Variants in HGD observed in about 807,000 individuals in gnomAD.
The protein encoded by HGD is homogentisate oxidase.
HGD carries 61 observed loss-of-function variants against 60.8 expected under a neutral mutation model. The ratio of observed to expected loss-of-function variants is 1.00; its 90% confidence interval spans 0.82 to 1.24. HGD has a LOEUF of 1.24. HGD is among the 50% of genes most tolerant of loss of function. The pLI is 0.00. For missense variants in HGD, 542 were observed against 547.1 expected (o/e 0.99, Z 0.09); for synonymous variants, 212 against 187.7 (o/e 1.13, Z -1.06).
intron 12 of HGD, 56 bp from the exon 13 acceptor site, chr3:120,633,384 C>G (rs572725686): frequency 1.9e-6 from 3 of 1,613,522 alleles, no homozygotes; most frequent in East Asian, 4.5e-5. Context: ...CAGTAAAACA[C>G]AAAGCCCCTT....
chr3:120,641,900 T>C, intron 10 of HGD: 1 of 580,964 alleles, frequency 1.7e-6, no homozygotes, highest in East Asian at 3.0e-5. Context: ...CCTATTTTTC[T>C]GGTTCATAAG....
intron 4 of HGD, among the ~76,000 whole-genome samples, chr3:120,656,363 C>T (rs1332108918): frequency 1.3e-5 from 2 of 152,166 alleles, no homozygotes; most frequent in Non-Finnish European, 2.9e-5. Context: ...ATACTATATG[C>T]TATTGTTAAA....
At chr3:120,669,276 A>T (rs1366280093) in intron 4 of HGD, among the ~76,000 whole-genome samples, 1 of 152,108 alleles carries the variant, frequency 6.6e-6, no homozygotes, top group Non-Finnish European at 1.5e-5. Context: ...ACAAAAAAAA[A>T]ACCATGAGCA....
chr3:120,671,439 T>C (rs548913524), intron 3 of HGD, among the ~76,000 whole-genome samples: 1 of 152,336 alleles, frequency 6.6e-6, no homozygotes, highest in Admixed American at 6.5e-5. Flanking sequence ...TAGAAGTCCT[T>C]TATCATTTTC....
At chr3:120,655,259 T>C (rs1941459942) in intron 4 of HGD, among the ~76,000 whole-genome samples, 1 of 152,176 alleles carries the variant, frequency 6.6e-6, no homozygotes. Flanking sequence ...TGTAGCACAT[T>C]AGCCCTCAAG....
At chr3:120,653,709 A>G (rs1404658552) in intron 4 of HGD, among the ~76,000 whole-genome samples, 1 of 152,240 alleles carries the variant, frequency 6.6e-6, no homozygotes, top group Non-Finnish European at 1.5e-5. Context: ...ATCATGCTTC[A>G]GAAAGAAGGA....
At chr3:120,669,301 C>G (rs185818419) in intron 4 of HGD, among the ~76,000 whole-genome samples, 3 of 152,110 alleles carry the variant, frequency 2.0e-5, no homozygotes, top group East Asian at 3.9e-4. Context: ...GATATTTTGA[C>G]CAACCTATAA....
intron 4 of HGD, 169 bp downstream of exon 4, chr3:120,670,258 G>A (rs1428429976): frequency 4.6e-6 from 3 of 649,480 alleles, no homozygotes; most frequent in Middle Eastern, 4.1e-4. Context: ...CATGAGAATG[G>A]ACTAATACAC....
In HGD at chr3:120,650,822, T is replaced by C. The variant is rs771906714; in HGVS notation, c.386A>G (p.Asn129Ser). The stretch of plus-strand genomic sequence containing the variant: ...GAGGAAAATGTGGATAGCAAGCCCA[T>C]TGTTAGACTTTATGTCTCCAGCTCC... ...LCGAGDIKSN[N>S]GLAIHIFLCN... The change falls in exon 6 of 14, where the codon AAT becomes AGT. Residue 129 changes from asparagine (N) to serine (S), a missense_variant. By Grantham distance (46) the Asn-to-Ser change is conservative (BLOSUM62 1). This residue lies in a region of HGD where 537 missense variants were observed against 529.1 expected (regional missense o/e 1.01). Coordinates refer to ENST00000283871, the MANE Select transcript of HGD (RefSeq NM_000187.4). 3 of 1,613,978 alleles carry C rather than the reference T, an allele frequency of 1.9e-6. No individual in the cohort carries two copies. The highest frequency in any genetic ancestry group is 1.3e-5 in the African/African-American group (1 of 74,932).
At chr3:120,667,296 C>T (rs1336399783) in intron 4 of HGD, among the ~76,000 whole-genome samples, 5 of 143,636 alleles carry the variant, frequency 3.5e-5, no homozygotes, top group South Asian at 4.5e-4. Flanking sequence ...ACTGTACTCC[C>T]GCCTGAGCAA....
chr3:120,641,484 T>C (rs804971), intron 11 of HGD, 105 bp downstream of exon 11: 606,657 of 804,226 alleles, frequency 0.75, 233,929 homozygotes, highest in African/African-American at 0.93. Context: ...GGGCTTCCAA[T>C]GGTGACATTG....
At position 120,629,198 on chromosome 3, in the gene HGD, GTAAATAC is replaced by G. The variant is rs1940509013; in HGVS notation, c.1189-676_1189-670del. On this transcript the variant is annotated intron_variant, in intron 13 of 13. Coordinates refer to ENST00000283871, the MANE Select transcript of HGD (RefSeq NM_000187.4). ...TTTTTGTCCACAACAGAAAGAATAT[GTAAATAC>G]TCTGTGCATCTTAGACATTACAGCT... 2.0e-5 allele frequency among the ~76,000 whole-genome samples: 3 copies of G among 152,334 alleles called. No individual in the cohort carries two copies. The South Asian group carries it at 6.2e-4, about 32-fold the overall frequency.
chr3:120,642,147 G>T (rs1941002283), intron 10 of HGD, among the ~76,000 whole-genome samples: 1 of 152,176 alleles, frequency 6.6e-6, no homozygotes, highest in Non-Finnish European at 1.5e-5. Context: ...GTCCAGGAGA[G>T]GGGAGAAGGC....
At chr3:120,629,612 T>C (rs1940521993) in intron 13 of HGD, among the ~76,000 whole-genome samples, 1 of 152,148 alleles carries the variant, frequency 6.6e-6, no homozygotes, top group African/African-American at 2.4e-5. Context: ...AAACTAGGCA[T>C]TGAAGGAACA....
chr3:120,678,936 G>A (rs1316176393), intron 1 of HGD, among the ~76,000 whole-genome samples: 1 of 152,208 alleles, frequency 6.6e-6, no homozygotes, highest in African/African-American at 2.4e-5. Context: ...AGCTGGTTCA[G>A]TGCCTATGTA....
intron 3 of HGD, among the ~76,000 whole-genome samples, chr3:120,672,648 T>A (rs1329929499): frequency 6.6e-6 from 1 of 152,160 alleles, no homozygotes; most frequent in Non-Finnish European, 1.5e-5. Flanking sequence ...TATATGAAGT[T>A]CAGAGCATGT....
Position 120,638,449 on chromosome 3 carries a change from A to T in HGD, c.1006+6T>A. 6.2e-7 allele frequency: 1 copy of T among 1,613,828 alleles called. No homozygotes were observed. The highest frequency in any genetic ancestry group is 1.1e-5 in the South Asian group (1 of 91,072). On this transcript the variant is annotated splice_donor_region_variant and intron_variant, in intron 12 of 13. Transcript: ENST00000283871. ...GCAAATGTGGCTTGGTAAAAGAGAGACTTACTATGGTAATAAGGAGGCCTG... is the reference window on the plus strand; with the variant it reads ...GCAAATGTGGCTTGGTAAAAGAGAGTCTTACTATGGTAATAAGGAGGCCTG...
rs750102669 is a variant in HGD at position 120,633,133 on chromosome 3, G to C, written c.1188+14C>G. 1 of 1,613,594 alleles carries C rather than the reference G, an allele frequency of 6.2e-7. No homozygotes were observed. Among genetic ancestry groups the C allele is most frequent in the East Asian group, 2.2e-5 (1 of 44,864 alleles). ...GTTCAGAGGCCGCTGGAATGTGGCA[G>C]TTAACATACTTACCATGGTGCCATC... On this transcript the variant is annotated intron_variant, in intron 13 of 13. Coordinates refer to ENST00000283871, the MANE Select transcript of HGD (RefSeq NM_000187.4).
Position 120,670,469 on chromosome 3 carries a change from T to A in HGD, c.240A>T (p.Gln80His), listed in dbSNP as rs2255543. The A allele has an allele frequency of 0.74, 1,190,727 of 1,607,270 alleles. 442,525 individuals are homozygous for A. Among genetic ancestry groups the A allele is most frequent in the Admixed American group, 0.81 (48,543 of 59,960 alleles). ...CAACTTCATCCCAGTTGTGAGTGAC[T>A]TGGCCTTCGTCAATGGATTCAAAGG... ...HKPFESIDEGQVTHNWDEVDP... is the reference protein window; with the variant it reads ...HKPFESIDEGHVTHNWDEVDP... Residue 80 changes from glutamine to histidine, a missense_variant, in exon 4 of 14, where the codon CAA (glutamine) becomes CAT (histidine). Transcript: ENST00000283871.
Sources: gnomAD v4.1 joint callset for allele counts (sites outside exome capture counted in the v4.1 genomes callset) on GRCh38, gnomAD v4.1.1 for gene constraint, gnomAD v4.1.1 regional missense constraint, MANE v1.5 for transcripts, NCBI Gene and HGNC (gene_info 2026-07-23, HGNC 2026-07-21) for gene names.